Variants in ABL1 observed in about 807,000 individuals in gnomAD.
ABL1 encodes ABL proto-oncogene 1, non-receptor tyrosine kinase.
Under a neutral mutation model 94.7 loss-of-function variants are expected in ABL1, and 11 were observed. The ratio of observed to expected loss-of-function variants is 0.12; its 90% CI spans 0.07 to 0.19. The LOEUF (loss-of-function observed/expected upper bound fraction) is 0.19, where lower values mean the gene tolerates loss of function less well. ABL1 is among the 10% of genes least tolerant of loss of function. The probability of loss-of-function intolerance (pLI) is 1.00; values close to 1 mark genes in which losing one functional copy is unlikely to be tolerated. For missense variants in ABL1, 1,082 were observed against 1,489.4 expected (o/e 0.73, Z 4.50); for synonymous variants, 656 against 622.4 (o/e 1.05, Z -0.80).
rs764105054 is a variant in ABL1 at position 130,878,466 on chromosome 9, C to T, written c.1322C>T (p.Pro441Leu). Residue 441 changes from proline (P) to leucine (L), a missense_variant, in exon 8 of 11, where the codon CCG becomes CTG. Coordinates refer to ENST00000318560, the MANE Select transcript of ABL1 (RefSeq NM_005157.6). The part of the protein sequence containing the change: ...EIATYGMSPY[P>L]GIDLSQVYEL... ...GCTACCTATGGCATGTCCCCTTACC[C>T]GGGAATTGACCTGTCCCAGGTGTAT... is the stretch of plus-strand genomic sequence containing the variant. 9 of 1,614,188 alleles carry T rather than the reference C, an allele frequency of 5.6e-6. No homozygotes were observed. The highest frequency in any genetic ancestry group is 3.3e-5 in the South Asian group (3 of 91,084).
At chr9:130,792,649 G>A (rs758742009) in intron 1 of ABL1, among the ~76,000 whole-genome samples, 1 of 152,156 alleles carries the variant, frequency 6.6e-6, no homozygotes, top group Non-Finnish European at 1.5e-5. Context: ...TCAAGAGATA[G>A]TTCAAATAAT....
At position 130,751,129 on chromosome 9, in the gene ABL1, C is replaced by CTTTTTTTTTTTTTTT. The variant is rs60206110; in HGVS notation, c.136+36690_136+36704dup. Among the ~76,000 whole-genome samples the CTTTTTTTTTTTTTTT allele has an allele frequency of 3.5e-5, 2 of 57,486 alleles. 1 individual carries two copies. The highest frequency in any genetic ancestry group is 1.6e-4 in the African/African-American group (2 of 12,602). 37.7% of individuals were successfully genotyped at this position (57,486 alleles called of 152,430 possible). The stretch of plus-strand genomic sequence containing the variant: ...TTTGAAACTTGTTTTTTTTATTCAG[C>CTTTTTTTTTTTTTTT]TTTTTTTTTTTTTTTTTTTTTTTTT... On this transcript the variant is annotated intron_variant, in intron 1 of 10. Transcript: ENST00000372348.
chr9:130,829,766 T>C (rs1327129964), intron 1 of ABL1, among the ~76,000 whole-genome samples: 2 of 152,210 alleles, frequency 1.3e-5, no homozygotes, highest in African/African-American at 4.8e-5. Context: ...TAGTATATTA[T>C]TGGCTAAGCA....
chr9:130,866,368 C>T (rs1470004679), intron 4 of ABL1, among the ~76,000 whole-genome samples: 1 of 152,134 alleles, frequency 6.6e-6, no homozygotes, highest in Non-Finnish European at 1.5e-5. Context: ...CTTTTCCCCC[C>T]ACTCTCCCAT....
chr9:130,792,058 G>A (rs1829915220), intron 1 of ABL1, among the ~76,000 whole-genome samples: 1 of 152,046 alleles, frequency 6.6e-6, no homozygotes, highest in African/African-American at 2.4e-5. Flanking sequence ...GATCACACTT[G>A]GTTCAGAACC....
Position 130,883,953 on chromosome 9 carries a change from TC to T in ABL1, c.1679-12del, listed in dbSNP as rs747015201. ...AGAGTTGTCTGGAGTTGTCAGCTCT[TC>T]CCCTTGCGTTTCAGATCCTCTGGAC... On this transcript the variant is annotated splice_polypyrimidine_tract_variant and intron_variant, in intron 10 of 10. Transcript: ENST00000318560. 4 of 1,597,872 alleles carry T rather than the reference TC, an allele frequency of 2.5e-6. No homozygotes were observed. In the South Asian group the frequency reaches 3.4e-5, roughly 14 times the overall value.
intron 7 of ABL1, 91 bp from the exon 8 acceptor site, chr9:130,878,324 T>G: frequency 2.7e-6 from 4 of 1,473,580 alleles, no homozygotes; most frequent in South Asian, 1.2e-5. Flanking sequence ...CCATCCCTTC[T>G]GAGGTCTGCT....
chr9:130,735,962 T>TATATATATATATATATA, intron 1 of ABL1, among the ~76,000 whole-genome samples: 1 of 48,696 alleles, frequency 2.1e-5, no homozygotes, highest in African/African-American at 1.7e-4. Context: ...TATATATATA[T>TATATATATATATATATA]TTTTTTTTTT....
intron 1 of ABL1, among the ~76,000 whole-genome samples, chr9:130,742,824 G>A (rs943270485): frequency 2.3e-4 from 35 of 151,820 alleles, no homozygotes; most frequent in African/African-American, 8.2e-4. Context: ...GTGCTATTAA[G>A]ATACTTTATA....
At position 130,874,856 on chromosome 9, in the gene ABL1, T is replaced by C; in HGVS notation, c.1086-12T>C. 1 of 1,614,026 alleles carries C rather than the reference T, an allele frequency of 6.2e-7. No individual in the cohort carries two copies. Among genetic ancestry groups the C allele is most frequent in the Non-Finnish European group, 8.5e-7 (1 of 1,179,894 alleles). ...CCAGGAGCTCTCATGGGTGAACATT[T>C]TCCTTTCTTAGAGATCTTGCTGCCC... On this transcript the variant is annotated splice_polypyrimidine_tract_variant and intron_variant, in intron 6 of 10. Transcript: ENST00000318560.
chr9:130,720,905 T>C (rs1831506050), intron 1 of ABL1, among the ~76,000 whole-genome samples: 1 of 151,728 alleles, frequency 6.6e-6, no homozygotes, highest in Non-Finnish European at 1.5e-5. Context: ...ACTGGAAGAA[T>C]AGAGTTGCCT....
chr9:130,813,510 G>A (rs1057169417), intron 1 of ABL1, among the ~76,000 whole-genome samples: 4 of 141,336 alleles, frequency 2.8e-5, no homozygotes, highest in African/African-American at 5.2e-5. Flanking sequence ...GCAGTGAGCC[G>A]AGATGGTGTC....
intron 1 of ABL1, among the ~76,000 whole-genome samples, chr9:130,723,417 C>T (rs1831540143): frequency 6.6e-6 from 1 of 152,094 alleles, no homozygotes; most frequent in African/African-American, 2.4e-5. Flanking sequence ...ATAATAATGT[C>T]CTGTGCTTGT....
intron 3 of ABL1, among the ~76,000 whole-genome samples, chr9:130,858,383 T>G (rs1307970227): frequency 1.3e-5 from 2 of 152,054 alleles, no homozygotes; most frequent in African/African-American, 4.8e-5. Context: ...ACAGGGAGCT[T>G]ATGTGACCAG....
At chr9:130,883,810 ATTT>A (rs959334674) in intron 10 of ABL1, among the ~76,000 whole-genome samples, 156 bp from the exon 11 acceptor site, 1 of 152,038 alleles carries the variant, frequency 6.6e-6, no homozygotes, top group African/African-American at 2.4e-5. Flanking sequence ...ACCTTTGACA[ATTT>A]TTTTGTTTGT....
At chr9:130,725,580 A>G (rs1831570670) in intron 1 of ABL1, among the ~76,000 whole-genome samples, 1 of 151,904 alleles carries the variant, frequency 6.6e-6, no homozygotes, top group Non-Finnish European at 1.5e-5. Context: ...GGGTTTCTCC[A>G]TATTGGTCAG....
rs1564325065 is a variant in ABL1 at position 130,885,674 on chromosome 9, G to A, written c.3384G>A (p.Val1128=). 9.9e-6 allele frequency: 16 copies of A among 1,609,712 alleles called. No homozygotes were observed. The highest frequency in any genetic ancestry group is 1.4e-5 in the Non-Finnish European group (16 of 1,177,836). ...CGGTGAAGGAAATCAGTGACATAGT[G>A]CAGAGGTAGCAGCAGTCAGGGGTCA... is the stretch of plus-strand genomic sequence containing the variant. ...LSSVKEISDI[V]QR The change falls in exon 11 of 11, where the codon GTG becomes GTA. Residue 1128 remains valine (V), a synonymous_variant. Transcript: ENST00000318560.
intron 1 of ABL1, among the ~76,000 whole-genome samples, chr9:130,735,954 TATATA>T (rs1301035715): frequency 0.014 from 1,286 of 93,192 alleles, 57 homozygotes; most frequent in African/African-American, 0.069. Context: ...TATATATATA[TATATA>T]TATTTTTTTT....
At chr9:130,759,510 T>C (rs1311241161) in intron 1 of ABL1, among the ~76,000 whole-genome samples, 1 of 152,204 alleles carries the variant, frequency 6.6e-6, no homozygotes, top group African/African-American at 2.4e-5. Context: ...TTTCACAGTC[T>C]AAAGTAAACA....
Sources: allele counts gnomAD v4.1 joint callset (sites outside exome capture counted in the v4.1 genomes callset), GRCh38; gene constraint gnomAD v4.1.1; transcripts MANE v1.5; gene names NCBI Gene and HGNC (gene_info 2026-07-23, HGNC 2026-07-21).